Variants in ADGRL2 observed in about 807,000 individuals in gnomAD.
ADGRL2 encodes the protein calcium-independent alpha-latrotoxin receptor 2.
ADGRL2 carries 44 observed loss-of-function variants against 157.4 expected under a neutral mutation model. The observed-to-expected ratio is 0.28, with a 90% CI of 0.22 to 0.36. ADGRL2 has a LOEUF of 0.36. ADGRL2 is among the 10% of genes least tolerant of loss of function. The pLI is 1.00. For synonymous variants in ADGRL2, 585 were observed against 624.7 expected (o/e 0.94, Z 0.95); for missense variants, 1,510 against 1,768.9 (o/e 0.85, Z 2.63).
intron 3 of ADGRL2, among the ~76,000 whole-genome samples, chr1:81,622,122 C>A (rs2081805594): frequency 6.6e-6 from 1 of 152,066 alleles, no homozygotes; most frequent in Admixed American, 6.5e-5. Flanking sequence ...AACTTTTTTT[C>A]TCATCATTAC....
chr1:81,661,187 T>C (rs1570763029), intron 3 of ADGRL2, among the ~76,000 whole-genome samples: 1 of 67,940 alleles, frequency 1.5e-5, no homozygotes, highest in Non-Finnish European at 2.9e-5. Context: ...TCCATAAGCA[T>C]TTTTTTTATT....
At chr1:81,972,903 C>A (rs1349586254) in intron 17 of ADGRL2, among the ~76,000 whole-genome samples, 1 of 77,606 alleles carries the variant, frequency 1.3e-5, no homozygotes. Context: ...CAGAGCGAGA[C>A]CCTGTCTTAA....
At chr1:81,372,052 A>G (rs753487723) in intron 1 of ADGRL2, among the ~76,000 whole-genome samples, 3 of 152,164 alleles carry the variant, frequency 2.0e-5, no homozygotes, top group Non-Finnish European at 2.9e-5. Context: ...CCAGTAAGCT[A>G]TGGCATAAAG....
At chr1:81,495,025 A>T (rs2078703796) in intron 2 of ADGRL2, among the ~76,000 whole-genome samples, 1 of 152,174 alleles carries the variant, frequency 6.6e-6, no homozygotes, top group South Asian at 2.1e-4. Context: ...ATTTCAGAGT[A>T]AAGAATCAGA....
At chr1:81,633,157 G>A (rs1423702304) in intron 3 of ADGRL2, among the ~76,000 whole-genome samples, 1 of 152,110 alleles carries the variant, frequency 6.6e-6, no homozygotes, top group African/African-American at 2.4e-5. Context: ...TATATGGGCT[G>A]CATCTTTGTA....
At chr1:81,398,465 G>A (rs1037198458) in intron 1 of ADGRL2, among the ~76,000 whole-genome samples, 7 of 151,146 alleles carry the variant, frequency 4.6e-5, no homozygotes, top group Admixed American at 2.6e-4. Flanking sequence ...TTTCTCTATC[G>A]ATCTGCTCTA....
chr1:81,492,805 A>G (rs2078660426), intron 2 of ADGRL2, among the ~76,000 whole-genome samples: 1 of 152,200 alleles, frequency 6.6e-6, no homozygotes, highest in South Asian at 2.1e-4. Flanking sequence ...TACTGACGTC[A>G]ATCAGAAATT....
chr1:81,936,917 C>A (rs2095319031), intron 4 of ADGRL2, 80 bp downstream of exon 4: 4 of 876,530 alleles, frequency 4.6e-6, no homozygotes, highest in Non-Finnish European at 7.7e-6. Flanking sequence ...GTGAAAGAAG[C>A]ATATGTTTAT....
At chr1:81,893,752 A>G (rs1221337077) in intron 2 of ADGRL2, among the ~76,000 whole-genome samples, 1 of 152,174 alleles carries the variant, frequency 6.6e-6, no homozygotes, top group Non-Finnish European at 1.5e-5. Flanking sequence ...GAAAAGTAGT[A>G]TTACTTCTTT....
Position 81,549,780 on chromosome 1 carries a change from T to A in ADGRL2, c.-247-31096T>A, listed in dbSNP as rs533035114. 2.0e-5 allele frequency among the ~76,000 whole-genome samples: 3 copies of A among 152,244 alleles called. No homozygotes were observed. The South Asian group carries it at 6.2e-4, about 32-fold the overall frequency. On this transcript the variant is annotated intron_variant, in intron 2 of 24. Coordinates refer to the ADGRL2 transcript ENST00000370721. Reference sequence around the variant, plus strand: ...GAATCAGACTAATGGGCATGAGAGGTACCTGTTACCCCAAGTGAGAAGCAA... The same window carrying A: ...GAATCAGACTAATGGGCATGAGAGGAACCTGTTACCCCAAGTGAGAAGCAA...
intron 1 of ADGRL2, among the ~76,000 whole-genome samples, chr1:81,721,109 C>T (rs78967498): frequency 0.082 from 12,321 of 149,572 alleles, 525 homozygotes; most frequent in Non-Finnish European, 0.096. Flanking sequence ...TAGACACAAG[C>T]GATCCTCCTG....
intron 3 of ADGRL2, among the ~76,000 whole-genome samples, chr1:81,656,645 G>C (rs895810368): frequency 6.6e-6 from 1 of 152,094 alleles, no homozygotes; most frequent in African/African-American, 2.4e-5. Context: ...CTTAACCTGT[G>C]AATTTTCTTC....
intron 1 of ADGRL2, among the ~76,000 whole-genome samples, chr1:81,429,785 C>A (rs1005465806): frequency 1.3e-5 from 2 of 152,144 alleles, no homozygotes; most frequent in Non-Finnish European, 2.9e-5. Context: ...CTTCCATATG[C>A]CAGGCAACGT....
At chr1:81,390,741 A>C (rs1219046755) in intron 1 of ADGRL2, among the ~76,000 whole-genome samples, 1 of 152,306 alleles carries the variant, frequency 6.6e-6, no homozygotes, top group Non-Finnish European at 1.5e-5. Context: ...GTATCAGTAC[A>C]TATTGATCTA....
At chr1:81,895,070 G>T (rs2094352373) in intron 2 of ADGRL2, among the ~76,000 whole-genome samples, 1 of 152,170 alleles carries the variant, frequency 6.6e-6, no homozygotes, top group Admixed American at 6.5e-5. Flanking sequence ...TGGGGATATA[G>T]TGTCTTTCCT....
intron 1 of ADGRL2, among the ~76,000 whole-genome samples, chr1:81,399,795 T>C (rs960888175): frequency 1.3e-5 from 2 of 152,192 alleles, no homozygotes; most frequent in Non-Finnish European, 2.9e-5. Flanking sequence ...TCCTTTTCAT[T>C]GGATCTGTAA....
chr1:81,981,724 C>T (rs780762098), intron 18 of ADGRL2, 84 bp from the exon 19 acceptor site: 5 of 1,061,950 alleles, frequency 4.7e-6, no homozygotes, highest in Non-Finnish European at 7.0e-6. Context: ...AAGTCAACTG[C>T]TACTACTGAT....
At chr1:81,932,837 G>T (rs138687427) in intron 3 of ADGRL2, among the ~76,000 whole-genome samples, 1 of 152,258 alleles carries the variant, frequency 6.6e-6, no homozygotes, top group South Asian at 2.1e-4. Flanking sequence ...GGGATTGCAG[G>T]CATGCGCCAC....
chr1:81,709,230 G>T (rs1236656563), intron 1 of ADGRL2, among the ~76,000 whole-genome samples: 1 of 152,126 alleles, frequency 6.6e-6, no homozygotes, highest in Non-Finnish European at 1.5e-5. Context: ...TACTGCAAAA[G>T]CCGAAATTAC....
Sources: allele counts gnomAD v4.1 joint callset (sites outside exome capture counted in the v4.1 genomes callset), GRCh38; gene constraint gnomAD v4.1.1; transcripts MANE v1.5; gene names NCBI Gene and HGNC (gene_info 2026-07-23, HGNC 2026-07-21).